The following XKR9 variants were observed in gnomAD, a reference collection of about 807,000 sequenced individuals.
XKR9 encodes XK related 9.
XKR9 carries 32 observed loss-of-function variants against 32.0 expected under a neutral mutation model. The observed-to-expected ratio is 1.00, with a 90% CI of 0.76 to 1.34. The LOEUF is 1.34. XKR9 is among the 40% of genes most tolerant of loss of function. The pLI is 0.00. For missense variants in XKR9, 546 were observed against 429.7 expected (o/e 1.27, Z -2.39); for synonymous variants, 168 against 143.4 (o/e 1.17, Z -1.22).
At chr8:70,824,308 A>G in the XKR9 span, among the ~76,000 whole-genome samples, 2 of 152,292 alleles carry the variant, frequency 1.3e-5, no homozygotes, top group East Asian at 3.9e-4. Context: ...AATTATGAAC[A>G]CAATTATTGT....
chr8:71,049,829 T>G, the XKR9 span, among the ~76,000 whole-genome samples: 1 of 151,930 alleles, frequency 6.6e-6, no homozygotes, highest in Non-Finnish European at 1.5e-5. Flanking sequence ...AAGAGAAACA[T>G]CACAGGCGAT....
the XKR9 span, among the ~76,000 whole-genome samples, chr8:70,845,241 A>G: frequency 1.3e-5 from 2 of 152,236 alleles, no homozygotes; most frequent in African/African-American, 4.8e-5. Context: ...AATCAAAGCT[A>G]AAGTGTCCTA....
the XKR9 span, among the ~76,000 whole-genome samples, chr8:70,814,206 C>G: frequency 6.6e-6 from 1 of 152,036 alleles, no homozygotes; most frequent in Non-Finnish European, 1.5e-5. Context: ...AAAAACCAAA[C>G]ACCGCATGTT....
At chr8:70,781,644 A>T (rs1807618564) in intron 2 of XKR9, among the ~76,000 whole-genome samples, 1 of 150,952 alleles carries the variant, frequency 6.6e-6, no homozygotes, top group Non-Finnish European at 1.5e-5. Flanking sequence ...CTGGGGTGAG[A>T]TGAGATCTCA....
At chr8:70,803,661 C>T in the XKR9 span, among the ~76,000 whole-genome samples, 2 of 152,098 alleles carry the variant, frequency 1.3e-5, no homozygotes, top group Non-Finnish European at 2.9e-5. Context: ...ATAAAGTGGC[C>T]TCAGTCAACT....
the XKR9 span, among the ~76,000 whole-genome samples, chr8:71,027,559 C>G: frequency 6.6e-6 from 1 of 151,314 alleles, no homozygotes; most frequent in African/African-American, 2.4e-5. Flanking sequence ...AAGCTCTCAC[C>G]TGAGTACTTT....
chr8:70,968,140 A>G, the XKR9 span, among the ~76,000 whole-genome samples: 1 of 151,998 alleles, frequency 6.6e-6, no homozygotes, highest in South Asian at 2.1e-4. Context: ...GTTTCTTTTT[A>G]TTCAATTTTC....
intron 3 of XKR9, 94 bp from the exon 4 acceptor site, chr8:70,706,839 A>G (rs762477519): frequency 4.6e-5 from 49 of 1,075,498 alleles, no homozygotes; most frequent in Middle Eastern, 5.8e-4. Context: ...GTGTACTTAA[A>G]ACACATATTC....
the XKR9 span, among the ~76,000 whole-genome samples, chr8:70,981,830 G>T: frequency 6.6e-6 from 1 of 152,184 alleles, no homozygotes; most frequent in African/African-American, 2.4e-5. Context: ...GTCCCATAGG[G>T]TGCTCCTTGA....
the XKR9 span, among the ~76,000 whole-genome samples, chr8:70,834,274 T>C: frequency 6.6e-6 from 1 of 152,152 alleles, no homozygotes; most frequent in Admixed American, 6.5e-5. Flanking sequence ...TATAAGAAGC[T>C]TTAGTTCATT....
the XKR9 span, among the ~76,000 whole-genome samples, chr8:70,964,740 G>T: frequency 7.2e-5 from 11 of 151,886 alleles, no homozygotes; most frequent in African/African-American, 2.7e-4. Flanking sequence ...TCATGATTTG[G>T]CTCTCTGCTT....
At chr8:70,832,599 AATC>A in the XKR9 span, among the ~76,000 whole-genome samples, 17 of 152,306 alleles carry the variant, frequency 1.1e-4, 1 homozygote, top group Non-Finnish European at 7.3e-5. Flanking sequence ...AATGCTGTGT[AATC>A]ACTGGAATAT....
At chr8:70,981,308 A>C in the XKR9 span, among the ~76,000 whole-genome samples, 1 of 152,194 alleles carries the variant, frequency 6.6e-6, no homozygotes, top group Non-Finnish European at 1.5e-5. Context: ...ACATAGTCCC[A>C]AACTTCTTGG....
intron 3 of XKR9, among the ~76,000 whole-genome samples, chr8:70,695,418 A>G (rs1253975177): frequency 4.1e-5 from 6 of 145,356 alleles, no homozygotes; most frequent in Non-Finnish European, 9.0e-5. Context: ...ATGAGTGAGA[A>G]CATGCAGTGT....
At chr8:70,962,839 A>T in the XKR9 span, among the ~76,000 whole-genome samples, 1 of 151,888 alleles carries the variant, frequency 6.6e-6, no homozygotes, top group Non-Finnish European at 1.5e-5. Context: ...ACTAATTAGG[A>T]CTCTGGGATT....
chr8:70,805,743 A>T, the XKR9 span, among the ~76,000 whole-genome samples: 1 of 152,164 alleles, frequency 6.6e-6, no homozygotes, highest in Non-Finnish European at 1.5e-5. Flanking sequence ...CCCGGACAGA[A>T]CCTGGATCTC....
At chr8:70,978,157 C>T in the XKR9 span, among the ~76,000 whole-genome samples, 121 of 152,270 alleles carry the variant, frequency 7.9e-4, no homozygotes, top group African/African-American at 2.6e-3. Flanking sequence ...CTCCTGAATA[C>T]GGCACACTGG....
the XKR9 span, among the ~76,000 whole-genome samples, chr8:70,907,456 T>G: frequency 1.3e-5 from 2 of 152,188 alleles, no homozygotes; most frequent in Non-Finnish European, 2.9e-5. Flanking sequence ...ATTAAGGCCT[T>G]TTTATACCTT....
chr8:70,673,532 G>A (rs1279569762), intron 1 of XKR9, among the ~76,000 whole-genome samples: 1 of 152,192 alleles, frequency 6.6e-6, no homozygotes, highest in Non-Finnish European at 1.5e-5. Context: ...GTCGGGTGTG[G>A]TGGCTCACGC....
Sources: allele counts gnomAD v4.1 joint callset (sites outside exome capture counted in the v4.1 genomes callset), GRCh38; gene constraint gnomAD v4.1.1; transcripts MANE v1.5; gene names NCBI Gene and HGNC (gene_info 2026-07-23, HGNC 2026-07-21).